Variants in GPC5 observed in about 807,000 individuals in gnomAD.
GPC5 encodes glypican-5.
GPC5 carries 47 observed loss-of-function variants against 53.9 expected under a neutral mutation model. The observed-to-expected ratio is 0.87, with a 90% CI of 0.69 to 1.11. GPC5 has a LOEUF of 1.11. Ranked by LOEUF, GPC5 falls within the 50% of genes most tolerant of loss-of-function variation. GPC5 has a pLI of 0.00. For missense variants in GPC5, 748 were observed against 713.1 expected (o/e 1.05, Z -0.56); for synonymous variants, 286 against 263.3 (o/e 1.09, Z -0.84).
At position 91,879,218 on chromosome 13, in the gene GPC5, T is replaced by C. The variant is rs970064127; in HGVS notation, c.1281-28719T>C. Among the ~76,000 whole-genome samples the C allele has an allele frequency of 1.7e-4, 26 of 152,160 alleles. No homozygotes were observed. In the East Asian group the frequency reaches 1.7e-3, roughly 10 times the overall value. On this transcript the variant is annotated intron_variant, in intron 5 of 7. Coordinates refer to ENST00000377067, the MANE Select transcript of GPC5 (RefSeq NM_004466.6). ...TTTGTTATATAGGTATACAGTACCA[T>C]GGTGGTTTCTTATTTGTGTTTTCAT...
chr13:91,966,794 A>C, intron 6 of GPC5, among the ~76,000 whole-genome samples: 1 of 152,182 alleles, frequency 6.6e-6, no homozygotes, highest in East Asian at 1.9e-4. Context: ...GATATTTTTT[A>C]AAAGGGGAAA....
intron 7 of GPC5, among the ~76,000 whole-genome samples, chr13:92,562,346 A>G (rs1882727396): frequency 6.6e-6 from 1 of 151,910 alleles, no homozygotes; most frequent in South Asian, 2.1e-4. Flanking sequence ...CTTCCACCAT[A>G]TTCTCTCCAC....
At chr13:91,724,380 T>A (rs769853578) in intron 3 of GPC5, among the ~76,000 whole-genome samples, 3 of 152,096 alleles carry the variant, frequency 2.0e-5, no homozygotes, top group Admixed American at 2.0e-4. Flanking sequence ...TCCAAGGGAC[T>A]GTGAAGTGAG....
intron 6 of GPC5, among the ~76,000 whole-genome samples, chr13:92,119,411 T>TTTTTG (rs1371873870): frequency 7.2e-6 from 1 of 138,798 alleles, no homozygotes; most frequent in Admixed American, 7.2e-5. Context: ...TTTTTTTTTT[T>TTTTTG]TTTTGGAGAC....
At chr13:91,561,891 T>C (rs1038639776) in intron 2 of GPC5, among the ~76,000 whole-genome samples, 1 of 152,164 alleles carries the variant, frequency 6.6e-6, no homozygotes, top group Non-Finnish European at 1.5e-5. Context: ...GGTTAATGAC[T>C]GTTTAGCAAG....
At chr13:92,084,098 A>G (rs2041317720) in intron 6 of GPC5, among the ~76,000 whole-genome samples, 2 of 152,118 alleles carry the variant, frequency 1.3e-5, no homozygotes, top group South Asian at 4.1e-4. Flanking sequence ...CAGGGAGAGG[A>G]CCAAAACACA....
rs551397992 is a variant in GPC5 at position 91,562,531 on chromosome 13, C to T, written c.325+113609C>T. On this transcript the variant is annotated intron_variant, in intron 2 of 7. Coordinates refer to ENST00000377067, the MANE Select transcript of GPC5 (RefSeq NM_004466.6). ...CAGGTTGGAGAGCAGTGAGGCTCACCGCAATCTCTGCGTCCCAGGTTTAAG... is the reference window on the plus strand; with the variant it reads ...CAGGTTGGAGAGCAGTGAGGCTCACTGCAATCTCTGCGTCCCAGGTTTAAG... 2.7e-4 allele frequency among the ~76,000 whole-genome samples: 41 copies of T among 151,972 alleles called. 1 individual carries two copies. In the South Asian group the frequency reaches 8.1e-3, roughly 30 times the overall value.
chr13:91,579,890 G>T (rs1165593829), intron 2 of GPC5, among the ~76,000 whole-genome samples: 1 of 151,880 alleles, frequency 6.6e-6, no homozygotes, highest in Non-Finnish European at 1.5e-5. Context: ...CTCCCAAAGT[G>T]CATCATAATA....
intron 2 of GPC5, among the ~76,000 whole-genome samples, chr13:91,462,170 TA>T (rs2139146258): frequency 6.6e-6 from 1 of 152,218 alleles, no homozygotes; most frequent in East Asian, 1.9e-4. Flanking sequence ...ATGACTGGCT[TA>T]ACAAACGCCG....
intron 7 of GPC5, among the ~76,000 whole-genome samples, chr13:92,347,570 A>G (rs1174717418): frequency 6.6e-6 from 1 of 151,622 alleles, no homozygotes; most frequent in Non-Finnish European, 1.5e-5. Context: ...AAAAGCTACA[A>G]ATTAATAATG....
chr13:91,645,333 A>G (rs16946352), intron 2 of GPC5, among the ~76,000 whole-genome samples: 11,286 of 152,164 alleles, frequency 0.074, 1,404 homozygotes, highest in African/African-American at 0.26. Flanking sequence ...CTTTGAATTT[A>G]ACTTCTCTGT....
At chr13:92,381,794 T>TATAGATAC (rs71766890) in intron 7 of GPC5, among the ~76,000 whole-genome samples, 70,912 of 137,912 alleles carry the variant, frequency 0.51, 18,979 homozygotes, top group East Asian at 0.59. Flanking sequence ...CTGTGATATA[T>TATAGATAC]ATAGATACAT....
intron 7 of GPC5, among the ~76,000 whole-genome samples, chr13:92,821,001 T>C (rs542278823): frequency 1.3e-5 from 2 of 152,248 alleles, no homozygotes; most frequent in South Asian, 4.1e-4. Flanking sequence ...TAGAGACGTA[T>C]GCTTAAAAGT....
At chr13:92,284,266 A>C (rs1309042681) in intron 7 of GPC5, among the ~76,000 whole-genome samples, 1 of 152,192 alleles carries the variant, frequency 6.6e-6, no homozygotes, top group African/African-American at 2.4e-5. Context: ...CAACCAAAAA[A>C]AAGTCCAGGA....
chr13:92,395,458 C>G (rs1330350300), intron 7 of GPC5, among the ~76,000 whole-genome samples: 3 of 152,088 alleles, frequency 2.0e-5, no homozygotes, highest in African/African-American at 7.2e-5. Context: ...TATAGTTACC[C>G]AATACACTGT....
At chr13:91,917,179 A>T (rs2039667833) in intron 6 of GPC5, among the ~76,000 whole-genome samples, 1 of 152,196 alleles carries the variant, frequency 6.6e-6, no homozygotes, top group Admixed American at 6.5e-5. Context: ...CATTGGGTAA[A>T]CACACCCATT....
intron 5 of GPC5, among the ~76,000 whole-genome samples, chr13:91,763,239 C>T (rs1202661902): frequency 6.6e-6 from 1 of 152,146 alleles, no homozygotes; most frequent in Non-Finnish European, 1.5e-5. Flanking sequence ...ATACAAGTTA[C>T]AATCTATGCT....
At chr13:92,521,066 C>A (rs1339449495) in intron 7 of GPC5, among the ~76,000 whole-genome samples, 1 of 152,134 alleles carries the variant, frequency 6.6e-6, no homozygotes, top group African/African-American at 2.4e-5. Context: ...ATCCAACTTA[C>A]AAGGGATGTG....
intron 7 of GPC5, among the ~76,000 whole-genome samples, chr13:92,764,035 C>A (rs1875296128): frequency 6.6e-6 from 1 of 152,160 alleles, no homozygotes; most frequent in Non-Finnish European, 1.5e-5. Context: ...GCTGTCCCAG[C>A]TCCACCTCTG....
Sources: gnomAD v4.1 joint callset for allele counts (sites outside exome capture counted in the v4.1 genomes callset) on GRCh38, gnomAD v4.1.1 for gene constraint, MANE v1.5 for transcripts, NCBI Gene and HGNC (gene_info 2026-07-23, HGNC 2026-07-21) for gene names.